Variants in WDR90 observed in about 807,000 individuals in gnomAD.
WDR90 encodes WD repeat-containing protein 90.
A neutral mutation model predicts 195.2 loss-of-function variants in WDR90; 238 were observed. That is an observed-to-expected ratio of 1.22 (90% CI 1.10 to 1.36). The LOEUF is 1.36. Among genes scored for constraint, WDR90 ranks in the 40% most tolerant of loss-of-function variants. WDR90 has a pLI of 0.00. For missense variants in WDR90, 2,734 were observed against 2,439.5 expected (o/e 1.12, Z -2.54); for synonymous variants, 1,265 against 1,052.4 (o/e 1.20, Z -3.91).
chr16:662,448 G>T, intron 33 of WDR90, 117 bp downstream of exon 33: 1 of 1,339,420 alleles, frequency 7.5e-7, no homozygotes, highest in Non-Finnish European at 1.0e-6. Flanking sequence ...CCGCCTGCTA[G>T]CCCCTCCAAG....
chr16:665,532 T>C lies in WDR90; in HGVS notation c.4312-147T>C, dbSNP rs551940863. 8.3e-4 allele frequency: 1,102 copies of C among 1,328,620 alleles called. 12 individuals carry two copies. In the South Asian group the frequency reaches 9.9e-3, roughly 12 times the overall value. The allele number at this position is 1,328,620 out of a possible 1,614,324, so 82.3% of individuals were successfully genotyped here. Reference sequence around the variant, plus strand: ...GGACACACACGGGGGCCGGCATTGCTCCTTTCCGCCATGTGGAGTTGGCCG... The same window carrying C: ...GGACACACACGGGGGCCGGCATTGCCCCTTTCCGCCATGTGGAGTTGGCCG... On this transcript the variant is annotated intron_variant, in intron 34 of 40. Coordinates refer to ENST00000293879, the MANE Select transcript of WDR90 (RefSeq NM_145294.5).
In WDR90 at chr16:655,155, A is replaced by C. The variant is rs2037723613; in HGVS notation, c.1556+8A>C. On this transcript the variant is annotated splice_region_variant and intron_variant, in intron 14 of 40. Coordinates refer to ENST00000293879, the MANE Select transcript of WDR90 (RefSeq NM_145294.5). ...CTTTTTTGATGAAACCAGGTGATGC[A>C]GCCGCCCATCCACGATGTTGGGAGA... is the stretch of plus-strand genomic sequence containing the variant. 1 of 1,612,316 alleles carries C rather than the reference A, an allele frequency of 6.2e-7. No homozygotes were observed. Among genetic ancestry groups the C allele is most frequent in the African/African-American group, 1.3e-5 (1 of 74,872 alleles).
At chr16:652,625 C>T (rs2037669632) in intron 10 of WDR90, 90 bp downstream of exon 10, 3 of 1,327,000 alleles carry the variant, frequency 2.3e-6, no homozygotes, top group Non-Finnish European at 3.0e-6. Flanking sequence ...GACCTATGTC[C>T]TGTGGTGGCT....
At chr16:652,716 C>T (rs923685451) in intron 10 of WDR90, among the ~76,000 whole-genome samples, 181 bp downstream of exon 10, 3 of 152,244 alleles carry the variant, frequency 2.0e-5, no homozygotes, top group African/African-American at 4.8e-5. Context: ...CAGGCATCTG[C>T]CCCGCCCACA....
At chr16:665,577 TG>T (rs780100266) in intron 34 of WDR90, 101 bp from the exon 35 acceptor site, 21 of 1,586,194 alleles carry the variant, frequency 1.3e-5, no homozygotes, top group Non-Finnish European at 2.6e-6. Context: ...GCACATGCTC[TG>T]GTTTGGACAG....
In WDR90 at chr16:649,809, C is replaced by T. The variant is rs1394316861; in HGVS notation, c.57C>T (p.Asp19=). 3.2e-6 allele frequency: 5 copies of T among 1,580,710 alleles called. No homozygotes were observed. The highest frequency in any genetic ancestry group is 4.3e-6 in the Non-Finnish European group (5 of 1,164,012). ...ACGTCTTCAGACACTTCCGGGTGGA[C>T]GAGTGGAAGCGCTCCGCCAAGCAGG... The part of the protein sequence containing the change: ...FLNVFRHFRV[D]EWKRSAKQGD... The change falls in exon 2 of 41, where the codon GAC becomes GAT. Residue 19 remains aspartate (D), a synonymous_variant. Coordinates refer to ENST00000293879, the MANE Select transcript of WDR90 (RefSeq NM_145294.5).
At chr16:649,249 G>A (rs1220196881), upstream of WDR90, 3 of 737,766 alleles carry the variant, frequency 4.1e-6, no homozygotes, top group South Asian at 3.8e-5. Context: ...GGCCGCTGAC[G>A]TGAGCGGGGT....
Position 665,436 on chromosome 16 carries a change from C to G in WDR90, c.4312-243C>G, listed in dbSNP as rs376251069. On this transcript the variant is annotated intron_variant, in intron 34 of 40. Transcript: ENST00000293879. Reference sequence around the variant, plus strand: ...TGAGGTGCTGTCAGAACAGCTTTCTCCTCGGTATCCCGCCGGGTTTGACTG... The same window carrying G: ...TGAGGTGCTGTCAGAACAGCTTTCTGCTCGGTATCCCGCCGGGTTTGACTG... 507 of 616,426 alleles carry G rather than the reference C, an allele frequency of 8.2e-4. 9 individuals are homozygous for G. The South Asian group carries it at 9.3e-3, about 11-fold the overall frequency. 38.2% of individuals were successfully genotyped at this position (616,426 alleles called of 1,614,324 possible).
rs375723251 is a variant in WDR90, at chr16:651,648, C to T, written c.741C>T (p.Leu247=). The T allele has an allele frequency of 3.7e-6, 6 of 1,612,408 alleles. No homozygotes were observed. In the African/African-American group the frequency reaches 5.3e-5, roughly 14 times the overall value. The change falls in exon 8 of 41, where the codon CTC becomes CTT. Residue 247 remains leucine (L), a synonymous_variant. Transcript: ENST00000293879. ...EKSCSPPEAV[L]LGPGPQPLPC... ...GGGTTCTTTGCTCTGTTCTAGTCCT[C>T]CTGGGGCCGGGGCCACAGCCTCTCC...
Position 660,628 on chromosome 16 carries a change from C to T in WDR90, c.3305C>T (p.Pro1102Leu). The T allele has an allele frequency of 3.8e-6, 6 of 1,571,710 alleles. No homozygotes were observed. The highest frequency in any genetic ancestry group is 1.4e-5 in the African/African-American group (1 of 73,832). ...PHSAKGTCPP[P>L]ASGGWLRLKA... ...TCCTCGCAGGGCACTTGCCCGCCTC[C>T]CGCCAGCGGTGGGTGGCTGCGTCTG... Residue 1102 changes from proline to leucine, a missense_variant, in exon 28 of 41, where the codon CCC becomes CTC. Coordinates refer to ENST00000293879, the MANE Select transcript of WDR90 (RefSeq NM_145294.5).
Position 661,938 on chromosome 16 carries a change from C to G in WDR90, c.3912C>G (p.Thr1304=). The G allele has an allele frequency of 2.5e-6, 4 of 1,609,024 alleles. No individual in the cohort carries two copies. The highest frequency in any genetic ancestry group is 3.4e-6 in the Non-Finnish European group (4 of 1,179,912). Residue 1304 remains threonine (T), a synonymous_variant, in exon 32 of 41, where the codon ACC becomes ACG. Transcript: ENST00000293879. ...AGGCAGTGGGGGCTGGAGAGCTGACCTCGCTCTGCTACGGGGCACCTCCCC... is the reference window on the plus strand; with the variant it reads ...AGGCAGTGGGGGCTGGAGAGCTGACGTCGCTCTGCTACGGGGCACCTCCCC... ...VPEAVGAGEL[T]SLCYGAPPLL...
rs1242936482 is a variant in WDR90 at position 662,344 on chromosome 16, C to A, written c.4145+13C>A. 1.9e-6 allele frequency: 3 copies of A among 1,551,280 alleles called. No homozygotes were observed. The highest frequency in any genetic ancestry group is 2.4e-5 in the South Asian group (2 of 84,628). ...GCTCAGGCGCCAGGTGAGCTGTTCA[C>A]CCCTACGTGTTTTGGCTGCACGTGG... On this transcript the variant is annotated intron_variant, in intron 33 of 40. Coordinates refer to ENST00000293879, the MANE Select transcript of WDR90 (RefSeq NM_145294.5).
At position 661,660 on chromosome 16, in the gene WDR90, C is replaced by T. The variant is rs1196291832; in HGVS notation, c.3737C>T (p.Thr1246Ile). ...GTATYDLVSS[T>I]RLPEPVHGVA... ...GCCACCTATGACCTCGTGTCCTCCACCCGCCTCCCGGAGCCGGTGCATGGT... is the reference window on the plus strand; with the variant it reads ...GCCACCTATGACCTCGTGTCCTCCATCCGCCTCCCGGAGCCGGTGCATGGT... The change falls in exon 31 of 41, where the codon ACC (threonine) becomes ATC (isoleucine). Residue 1246 changes from threonine to isoleucine, a missense_variant. By Grantham distance (89) the Thr-to-Ile change is moderately conservative (BLOSUM62 -1). Transcript: ENST00000293879. 6.2e-7 allele frequency: 1 copy of T among 1,611,192 alleles called. No individual in the cohort carries two copies. The highest frequency in any genetic ancestry group is 8.5e-7 in the Non-Finnish European group (1 of 1,179,302).
At chr16:664,184 T>TGCGTG (rs1228607064) in intron 34 of WDR90, among the ~76,000 whole-genome samples, 2 of 38,964 alleles carry the variant, frequency 5.1e-5, no homozygotes, top group African/African-American at 6.0e-4. Context: ...GGAAACCCCG[T>TGCGTG]GCGTGCCTAG....
intron 10 of WDR90, 108 bp from the exon 11 acceptor site, chr16:653,233 C>T: frequency 2.2e-6 from 2 of 929,480 alleles, no homozygotes; most frequent in Admixed American, 3.0e-5. Context: ...TGTGCCAGGC[C>T]TGCCACCCCC....
At position 650,369 on chromosome 16, in the gene WDR90, C is replaced by T. The variant is rs767169168; in HGVS notation, c.388+7C>T. 9.3e-6 allele frequency: 15 copies of T among 1,610,924 alleles called. No individual in the cohort carries two copies. The highest frequency in any genetic ancestry group is 1.3e-5 in the Non-Finnish European group (15 of 1,178,384). On this transcript the variant is annotated splice_region_variant and intron_variant, in intron 4 of 40. Transcript: ENST00000293879. ...GCCAGGACACCTCAGAGAGGTGACA[C>T]CAAGATGGGGTGTGGATGATCCAGG...
intron 21 of WDR90, 57 bp downstream of exon 21, chr16:657,949 G>A: frequency 6.7e-7 from 1 of 1,492,290 alleles, no homozygotes; most frequent in Non-Finnish European, 9.0e-7. Flanking sequence ...GCTGGCTGCA[G>A]GGGCAGGAGG....
upstream of WDR90, chr16:649,206 G>A: frequency 2.1e-6 from 1 of 473,534 alleles, no homozygotes; most frequent in Admixed American, 4.4e-5. Context: ...CGGGGCAAAG[G>A]GCAGCGGGAT....
chr16:667,120 T>C (rs2038102547), intron 40 of WDR90, 131 bp downstream of exon 40: 1 of 1,008,282 alleles, frequency 9.9e-7, no homozygotes. Context: ...TGAGGACATC[T>C]GCCCTAGAGA....
Sources: gnomAD v4.1 joint callset for allele counts (sites outside exome capture counted in the v4.1 genomes callset) on GRCh38, gnomAD v4.1.1 for gene constraint, MANE v1.5 for transcripts, NCBI Gene and HGNC (gene_info 2026-07-23, HGNC 2026-07-21) for gene names.